Variants in CNTN6 observed in about 807,000 individuals in gnomAD.
CNTN6 encodes the protein contactin 6.
CNTN6 carries 137 observed loss-of-function variants against 122.8 expected under a neutral mutation model. That is an observed-to-expected ratio of 1.12 (90% CI 0.97 to 1.29). CNTN6 has a LOEUF of 1.29. CNTN6 is among the 50% of genes most tolerant of loss of function. The probability of loss-of-function intolerance (pLI) is 0.00; values close to 1 mark genes in which losing one functional copy is unlikely to be tolerated. For missense variants in CNTN6, 1,634 were observed against 1,223.4 expected (o/e 1.34, Z -5.01); for synonymous variants, 570 against 426.0 (o/e 1.34, Z -4.16).
At chr3:1,304,685 T>C (rs1698034820) in intron 7 of CNTN6, among the ~76,000 whole-genome samples, 1 of 152,144 alleles carries the variant, frequency 6.6e-6, no homozygotes, top group African/African-American at 2.4e-5. Flanking sequence ...AAGTAAGTTT[T>C]AATTTTATAT....
At chr3:1,301,338 A>C (rs1178956249) in intron 7 of CNTN6, among the ~76,000 whole-genome samples, 1 of 152,078 alleles carries the variant, frequency 6.6e-6, no homozygotes, top group Non-Finnish European at 1.5e-5. Context: ...CCCGGCTCCT[A>C]AACTTTTGAC....
rs1422080831 is a variant in CNTN6 at position 1,099,372 on chromosome 3, A to AC, written c.-83+6255dup. On this transcript the variant is annotated intron_variant, in intron 1 of 22. Coordinates refer to ENST00000446702, the MANE Select transcript of CNTN6 (RefSeq NM_001289080.2). ...AGGCTGAGGCGGGAGAATGGCGGGA[A>AC]CCCGGGGGGCGGAGCTTGCAGTGAG... Among the ~76,000 whole-genome samples, 8 of 151,904 alleles carry AC rather than the reference A, an allele frequency of 5.3e-5. 1 individual carries two copies. Among genetic ancestry groups the AC allele is most frequent in the African/African-American group, 1.2e-4 (5 of 41,376 alleles).
chr3:1,192,146 C>T (rs1477213251), intron 2 of CNTN6, among the ~76,000 whole-genome samples: 4 of 152,258 alleles, frequency 2.6e-5, no homozygotes, highest in African/African-American at 7.2e-5. Context: ...TGGATAAGCT[C>T]ATCTAGTGGA....
chr3:1,277,346 C>CTTTTTTTTTGTTTTTTTTTTTTT (rs1692563933), intron 4 of CNTN6, among the ~76,000 whole-genome samples: 1 of 80,172 alleles, frequency 1.2e-5, no homozygotes, highest in Non-Finnish European at 2.4e-5. Context: ...AGTAGGTTTT[C>CTTTTTTTTTGTTTTTTTTTTTTT]TTTTTTTTTT....
intron 17 of CNTN6, among the ~76,000 whole-genome samples, chr3:1,379,259 G>A (rs930598058): frequency 1.3e-5 from 2 of 152,102 alleles, no homozygotes; most frequent in Admixed American, 6.6e-5. Flanking sequence ...CATGACCTAT[G>A]AGACAAATTT....
intron 5 of CNTN6, among the ~76,000 whole-genome samples, chr3:1,293,371 T>G (rs2125855247): frequency 6.6e-6 from 1 of 152,128 alleles, no homozygotes; most frequent in Non-Finnish European, 1.5e-5. Flanking sequence ...ATTCCCTCAT[T>G]CCCATTTTCA....
chr3:1,118,009 A>AG (rs2091795601), intron 1 of CNTN6, among the ~76,000 whole-genome samples: 1 of 152,156 alleles, frequency 6.6e-6, no homozygotes, highest in African/African-American at 2.4e-5. Context: ...TCACTTCCCA[A>AG]ATAAGCCCTT....
intron 2 of CNTN6, among the ~76,000 whole-genome samples, chr3:1,213,105 G>A (rs1575261698): frequency 6.6e-6 from 1 of 152,236 alleles, no homozygotes; most frequent in East Asian, 1.9e-4. Context: ...ATTTAATTTG[G>A]AAACTGCTGT....
intron 1 of CNTN6, among the ~76,000 whole-genome samples, chr3:1,113,599 T>C (rs2091581935): frequency 6.6e-6 from 1 of 152,158 alleles, no homozygotes; most frequent in South Asian, 2.1e-4. Context: ...TTTTAAACAT[T>C]TACTGCTGTA....
chr3:1,132,333 C>T lies in CNTN6; in HGVS notation c.-82-15594C>T, dbSNP rs79781693. On this transcript the variant is annotated intron_variant, in intron 1 of 22. Transcript: ENST00000446702. ...GTCAAGTTTATGCCATTGGACTTTA[C>T]GTGCAGATTACAAAATATTTTTTCT... Among the ~76,000 whole-genome samples the T allele has an allele frequency of 7.4e-3, 1,132 of 152,146 alleles. 15 individuals carry two copies. The highest frequency in any genetic ancestry group is 0.026 in the African/African-American group (1,091 of 41,490).
At chr3:1,264,269 C>T (rs575731913) in intron 4 of CNTN6, among the ~76,000 whole-genome samples, 2 of 152,064 alleles carry the variant, frequency 1.3e-5, no homozygotes, top group Non-Finnish European at 1.5e-5. Flanking sequence ...GGCGCTGATA[C>T]AAACAAACGG....
intron 1 of CNTN6, among the ~76,000 whole-genome samples, chr3:1,137,228 G>T (rs2092499633): frequency 6.6e-6 from 1 of 152,150 alleles, no homozygotes; most frequent in African/African-American, 2.4e-5. Flanking sequence ...GACAATAGGG[G>T]GTGTCCCCCA....
At chr3:1,105,767 G>A (rs567618850) in intron 1 of CNTN6, among the ~76,000 whole-genome samples, 28 of 152,062 alleles carry the variant, frequency 1.8e-4, no homozygotes, top group African/African-American at 3.4e-4. Flanking sequence ...TTTTACCTCC[G>A]GCACCTAGCA....
chr3:1,125,944 G>T (rs1574941760), intron 1 of CNTN6, among the ~76,000 whole-genome samples: 1 of 151,850 alleles, frequency 6.6e-6, no homozygotes, highest in Non-Finnish European at 1.5e-5. Flanking sequence ...TTTAGTTTCA[G>T]TTTGGCTTTA....
intron 20 of CNTN6, among the ~76,000 whole-genome samples, chr3:1,392,665 AG>A (rs1311477328): frequency 2.1e-5 from 3 of 146,030 alleles, no homozygotes; most frequent in African/African-American, 5.0e-5. Flanking sequence ...CATCTGACAA[AG>A]GGCTAATATC....
intron 1 of CNTN6, among the ~76,000 whole-genome samples, chr3:1,136,210 G>T (rs2092468446): frequency 6.6e-6 from 1 of 152,154 alleles, no homozygotes; most frequent in Non-Finnish European, 1.5e-5. Context: ...TGTGTGGTAG[G>T]TAGTATGGTC....
At chr3:1,256,671 A>G (rs1031487784) in intron 4 of CNTN6, among the ~76,000 whole-genome samples, 4 of 152,168 alleles carry the variant, frequency 2.6e-5, no homozygotes, top group African/African-American at 9.7e-5. Context: ...AAAAGAAGAC[A>G]AAAAATAAAT....
chr3:1,105,729 C>T lies in CNTN6; in HGVS notation c.-83+12609C>T, dbSNP rs754661285. On this transcript the variant is annotated intron_variant, in intron 1 of 22. Transcript: ENST00000446702. ...TAAGCAAGTCTACAACTTAAAGTTT[C>T]CTAAATATAGGTCCAGTGTTATCAA... 7.4e-4 allele frequency among the ~76,000 whole-genome samples: 112 copies of T among 152,242 alleles called. 2 individuals are homozygous for T. The highest frequency in any genetic ancestry group is 1.2e-3 in the South Asian group (6 of 4,824).
At chr3:1,386,952 A>G (rs1693085662) in intron 20 of CNTN6, among the ~76,000 whole-genome samples, 1 of 151,866 alleles carries the variant, frequency 6.6e-6, no homozygotes. Context: ...GTTAGGAACC[A>G]TCTCAGAGAA....
Sources: allele counts gnomAD v4.1 joint callset (sites outside exome capture counted in the v4.1 genomes callset), GRCh38; gene constraint gnomAD v4.1.1; transcripts MANE v1.5; gene names NCBI Gene and HGNC (gene_info 2026-07-23, HGNC 2026-07-21).